CLMN: variants seen among roughly 807,000 people sequenced by gnomAD.
The protein encoded by CLMN is calmin.
In CLMN, 57 loss-of-function variants were observed where a neutral mutation model predicts 92.7. The ratio of observed to expected loss-of-function variants is 0.61; its 90% CI spans 0.50 to 0.77. The LOEUF (loss-of-function observed/expected upper bound fraction) is 0.77. Among genes scored for constraint, CLMN ranks in the 30% least tolerant of loss-of-function variants. The pLI is 0.00. For missense variants in CLMN, 1,158 were observed against 1,237.5 expected, an observed-to-expected ratio of 0.94 and a Z score of 0.96; for synonymous variants, 466 against 470.6, an observed-to-expected ratio of 0.99 and a Z score of 0.13.
Position 95,304,970 on chromosome 14 carries a change from G to A in CLMN, c.82+14741C>T, listed in dbSNP as rs994537654. ...AGTCAGGAAGGACACCCATGTACTCGGAACCTGCAGAATGCTTATTAGTCC... is the reference window on the plus strand; with the variant it reads ...AGTCAGGAAGGACACCCATGTACTCAGAACCTGCAGAATGCTTATTAGTCC... On this transcript the variant is annotated intron_variant, in intron 1 of 12. Transcript: ENST00000298912. Among the ~76,000 whole-genome samples the A allele has an allele frequency of 3.9e-5, 6 of 152,152 alleles. No homozygotes were observed. The East Asian group carries it at 5.8e-4, about 15-fold the overall frequency.
chr14:95,253,220 C>A (rs771208382), intron 1 of CLMN, among the ~76,000 whole-genome samples: 1 of 152,184 alleles, frequency 6.6e-6, no homozygotes, highest in East Asian at 1.9e-4. Flanking sequence ...TCTGCCTGCA[C>A]GAAGTGGAGT....
Position 95,204,044 on chromosome 14 carries a change from A to T in CLMN, c.1305T>A (p.Asp435Glu). 2 of 1,614,188 alleles carry T rather than the reference A, an allele frequency of 1.2e-6. No individual in the cohort carries two copies. Among genetic ancestry groups the T allele is most frequent in the Non-Finnish European group, 1.7e-6 (2 of 1,180,036 alleles). ...GGGACAGGTTCTTACTGCAGAAAGG[A>T]TCCTTGTAGGTGTCAGCCTCAAAGT... ...TVHFEADTYK[D>E]PFCSKNLSLC... The change falls in exon 9 of 13, where the codon GAT becomes GAA. Residue 435 changes from aspartate to glutamate, a missense_variant. Coordinates refer to ENST00000298912, the MANE Select transcript of CLMN (RefSeq NM_024734.4).
At chr14:95,270,291 T>C (rs958087407) in intron 1 of CLMN, among the ~76,000 whole-genome samples, 2 of 152,236 alleles carry the variant, frequency 1.3e-5, no homozygotes, top group Non-Finnish European at 1.5e-5. Flanking sequence ...TTTTTTAAGA[T>C]ATAATTCACA....
chr14:95,218,123 G>A (rs1245367910), intron 4 of CLMN, among the ~76,000 whole-genome samples: 2 of 152,182 alleles, frequency 1.3e-5, no homozygotes, highest in East Asian at 1.9e-4. Flanking sequence ...GAAAACAAGT[G>A]GACCAATTGG....
At chr14:95,242,250 C>CTTTTTTTTTTTTTTTTTTTTTTTT (rs371417505) in intron 1 of CLMN, among the ~76,000 whole-genome samples, 2 of 92,588 alleles carry the variant, frequency 2.2e-5, no homozygotes, top group South Asian at 4.6e-4. Context: ...TTTTCTTTTT[C>CTTTTTTTTTTTTTTTTTTTTTTTT]TTTTTTTTTT....
At chr14:95,302,617 C>T (rs1036207111) in intron 1 of CLMN, among the ~76,000 whole-genome samples, 6 of 152,088 alleles carry the variant, frequency 3.9e-5, no homozygotes, top group African/African-American at 1.4e-4. Context: ...TCCTCTTTTA[C>T]TTTAAATAAA....
intron 1 of CLMN, among the ~76,000 whole-genome samples, chr14:95,238,764 AT>A (rs1042845960): frequency 2.0e-5 from 3 of 152,172 alleles, no homozygotes; most frequent in African/African-American, 7.2e-5. Flanking sequence ...AGAGACTCAA[AT>A]AAAACTGCCA....
chr14:95,314,711 C>G (rs1901687258), intron 1 of CLMN, among the ~76,000 whole-genome samples: 1 of 152,200 alleles, frequency 6.6e-6, no homozygotes, highest in South Asian at 2.1e-4. Context: ...CAAGAAAAAT[C>G]CACACCATGA....
rs537671292 is a variant in CLMN, at chr14:95,256,713, T to C, written c.83-26580A>G. 5.1e-4 allele frequency among the ~76,000 whole-genome samples: 78 copies of C among 152,296 alleles called. No homozygotes were observed. The highest frequency in any genetic ancestry group is 1.9e-3 in the African/African-American group (78 of 41,560). On this transcript the variant is annotated intron_variant, in intron 1 of 12. Coordinates refer to ENST00000298912, the MANE Select transcript of CLMN (RefSeq NM_024734.4). This position sits in a 1 kb window ranked among gnomAD's most constrained non-coding sequence, Gnocchi z 4.9. ...AACGAAACTGAACATGGCGTGTGTC[T>C]AGGCTGGGATGGGAGAGAAATTGCC... is the stretch of plus-strand genomic sequence containing the variant.
rs1901971154 is a variant in CLMN, at chr14:95,319,830, G to C, written c.-38C>G. 7.8e-7 allele frequency: 1 copy of C among 1,288,620 alleles called. No homozygotes were observed. Among genetic ancestry groups the C allele is most frequent in the Non-Finnish European group, 9.9e-7 (1 of 1,011,410 alleles). 79.8% of individuals were successfully genotyped at this position (1,288,620 alleles called of 1,614,324 possible). On this transcript the variant is annotated 5_prime_UTR_variant, in exon 1 of 13. Transcript: ENST00000298912. ...GGAGAGCCCGGGCCAGCGCGGCGCG[G>C]GCGGCGGGCGCGGAGAGCCTGGCTG...
chr14:95,245,224 ATTATATATATATATTAT>A (rs1898467903), intron 1 of CLMN, among the ~76,000 whole-genome samples: 3 of 28,346 alleles, frequency 1.1e-4, no homozygotes, highest in African/African-American at 6.1e-4. Context: ...ATATATATAT[ATTATATATATATATTAT>A]ATATATATAT....
intron 1 of CLMN, among the ~76,000 whole-genome samples, chr14:95,314,180 C>A (rs1410435437): frequency 6.6e-6 from 1 of 152,236 alleles, no homozygotes; most frequent in African/African-American, 2.4e-5. Flanking sequence ...GAGTCCAGAG[C>A]CCCTTGTTTG....
intron 1 of CLMN, among the ~76,000 whole-genome samples, chr14:95,295,460 A>G (rs1416712959): frequency 2.0e-5 from 3 of 152,228 alleles, no homozygotes; most frequent in Non-Finnish European, 2.9e-5. Context: ...TACTGTATGA[A>G]CAGGTGGCTG....
intron 1 of CLMN, among the ~76,000 whole-genome samples, chr14:95,291,393 T>C (rs536177417): frequency 6.6e-6 from 1 of 152,316 alleles, no homozygotes; most frequent in Non-Finnish European, 1.5e-5. Context: ...GGCTAATACC[T>C]GGGACCGCAT....
chr14:95,304,619 GAGA>G (rs1758940537), intron 1 of CLMN, among the ~76,000 whole-genome samples: 1 of 151,904 alleles, frequency 6.6e-6, no homozygotes, highest in Non-Finnish European at 1.5e-5. Context: ...TAAAAATACT[GAGA>G]AGATCTCAAT....
intron 1 of CLMN, among the ~76,000 whole-genome samples, chr14:95,245,262 T>TA (rs1566891397): frequency 7.0e-5 from 3 of 43,016 alleles, no homozygotes; most frequent in African/African-American, 4.1e-4. Flanking sequence ...ATAATATATA[T>TA]ATATATATTA....
intron 1 of CLMN, among the ~76,000 whole-genome samples, chr14:95,309,116 A>G (rs1901416688): frequency 6.6e-6 from 1 of 152,186 alleles, no homozygotes; most frequent in Non-Finnish European, 1.5e-5. Flanking sequence ...AACAGCACTG[A>G]AACAGTGAGG....
At chr14:95,319,327 A>C (rs796235226) in intron 1 of CLMN, among the ~76,000 whole-genome samples, 1 of 149,756 alleles carries the variant, frequency 6.7e-6, no homozygotes, top group African/African-American at 2.5e-5. Flanking sequence ...ACACACACAC[A>C]CACACACACA....
intron 1 of CLMN, among the ~76,000 whole-genome samples, chr14:95,288,519 G>A (rs1031054444): frequency 1.3e-5 from 2 of 152,228 alleles, no homozygotes; most frequent in Non-Finnish European, 2.9e-5. Flanking sequence ...GCTAGGTGAT[G>A]AAGCACAAGG....
Sources: allele counts gnomAD v4.1 joint callset (sites outside exome capture counted in the v4.1 genomes callset), GRCh38; gene constraint gnomAD v4.1.1; non-coding constraint Gnocchi (gnomAD v3.1); transcripts MANE v1.5; gene names NCBI Gene and HGNC (gene_info 2026-07-23, HGNC 2026-07-21).